The following C3 variants were observed in gnomAD, a reference collection of about 807,000 sequenced individuals.
C3 encodes complement C3.
C3 carries 97 observed loss-of-function variants against 207.9 expected under a neutral mutation model. The observed-to-expected ratio is 0.47, with a 90% CI of 0.40 to 0.55. The LOEUF (loss-of-function observed/expected upper bound fraction) is 0.55, where lower values mean the gene tolerates loss of function less well. Ranked by LOEUF, C3 falls within the 20% of genes least tolerant of loss-of-function variation. The probability of loss-of-function intolerance (pLI) is 0.00; values close to 1 mark genes in which losing one functional copy is unlikely to be tolerated. For missense variants in C3, 1,684 were observed against 2,171.7 expected (o/e 0.78, Z 4.46); for synonymous variants, 848 against 857.6 (o/e 0.99, Z 0.20).
rs369993135 is a variant in C3, at chr19:6,681,935, C to G, written c.4350+6G>C. 12 of 1,609,006 alleles carry G rather than the reference C, an allele frequency of 7.5e-6. No homozygotes were observed. The highest frequency in any genetic ancestry group is 3.4e-4 in the Middle Eastern group (2 of 5,892). Reference sequence around the variant, plus strand: ...AGCCTCCCAGGGGAGGATGATGCAGCCTTACCTTGTCCAGGTAGATGATGA... The same window carrying G: ...AGCCTCCCAGGGGAGGATGATGCAGGCTTACCTTGTCCAGGTAGATGATGA... On this transcript the variant is annotated splice_donor_region_variant and intron_variant, in intron 35 of 40. Transcript: ENST00000245907.
At chr19:6,713,774 A>T (rs11569573) in intron 7 of C3, 31,054 of 85,762 alleles carry the variant, frequency 0.36, 2,615 homozygotes, top group South Asian at 0.4. Context: ...ACCTGACTCC[A>T]CCCCCCAGCC....
In C3 at chr19:6,690,668, C is replaced by T. The variant is rs760685575; in HGVS notation, c.3450G>A (p.Ser1150=). Residue 1150 remains serine (S), a synonymous_variant, in exon 27 of 41, where the codon TCG becomes TCA. Coordinates refer to ENST00000245907, the MANE Select transcript of C3 (RefSeq NM_000064.4). ...DMALTAFVLI[S]LQEAKDICEE... ...CGCAAATATCTTTAGCCTCCTGCAGCGAGATGAGAACAAAGGCCGTGAGGG... is the reference window on the plus strand; with the variant it reads ...CGCAAATATCTTTAGCCTCCTGCAGTGAGATGAGAACAAAGGCCGTGAGGG... The T allele has an allele frequency of 3.1e-6, 5 of 1,614,184 alleles. No homozygotes were observed. In the South Asian group the frequency reaches 3.3e-5, roughly 11 times the overall value.
intron 17 of C3, among the ~76,000 whole-genome samples, chr19:6,706,644 A>C: frequency 8.6e-6 from 1 of 116,642 alleles, no homozygotes; most frequent in South Asian, 3.3e-4. Context: ...CCCCTCAGAC[A>C]GAGGCCTCCT....
In C3 at chr19:6,702,491, C is replaced by G. The variant is rs1482581631; in HGVS notation, c.2334G>C (p.Leu778Phe). 7 of 1,613,634 alleles carry G rather than the reference C, an allele frequency of 4.3e-6. No individual in the cohort carries two copies. Among genetic ancestry groups the G allele is most frequent in the Non-Finnish European group, 5.9e-6 (7 of 1,179,622 alleles). ...PESWLWNVEDLKEPPKNGIST... is the reference protein window; with the variant it reads ...PESWLWNVEDFKEPPKNGIST... Reference sequence around the variant, plus strand: ...CTTACCCATTTTTCGGTGGCTCTTTCAAGTCCTCAACGTTCCACAGCCAGC... The same window carrying G: ...CTTACCCATTTTTCGGTGGCTCTTTGAAGTCCTCAACGTTCCACAGCCAGC... Residue 778 changes from leucine to phenylalanine, a missense_variant, in exon 18 of 41, where the codon TTG becomes TTC. Coordinates refer to ENST00000245907, the MANE Select transcript of C3 (RefSeq NM_000064.4).
At chr19:6,688,751 T>C (rs1474242682) in intron 27 of C3, among the ~76,000 whole-genome samples, 2 of 152,204 alleles carry the variant, frequency 1.3e-5, no homozygotes, top group East Asian at 1.9e-4. Flanking sequence ...AAATCTCTTT[T>C]ATTCCTGCCC....
Position 6,689,374 on chromosome 19 carries a change from T to TCTCTCTC in C3, c.3489+1248_3489+1254dup, listed in dbSNP as rs1918114100. On this transcript the variant is annotated intron_variant, in intron 27 of 40. Transcript: ENST00000245907. ...CTCCCTCCCTCCCTCTCTCTCTCTC[T>TCTCTCTC]CTCTCTCTCTCTCTGCCTTGGTCCC... Among the ~76,000 whole-genome samples the TCTCTCTC allele has an allele frequency of 1.7e-5, 2 of 116,384 alleles. 1 individual carries two copies. Among genetic ancestry groups the TCTCTCTC allele is most frequent in the African/African-American group, 8.2e-5 (2 of 24,488 alleles). 76.4% of individuals were successfully genotyped at this position (116,384 alleles called of 152,430 possible).
chr19:6,712,383 G>C lies in C3; in HGVS notation c.1143C>G (p.Gly381=). Residue 381 remains glycine, a synonymous_variant, in exon 11 of 41, where the codon GGC becomes GGG. Transcript: ENST00000245907. ...CCACGGGGACTCGGTAGGCTGGAGA[G>C]CCATCAGGGTTCGTCACGAACACCT... ...DLMVFVTNPD[G]SPAYRVPVAV... The C allele has an allele frequency of 6.2e-7, 1 of 1,614,172 alleles. No homozygotes were observed. The highest frequency in any genetic ancestry group is 8.5e-7 in the Non-Finnish European group (1 of 1,180,014).
intron 35 of C3, among the ~76,000 whole-genome samples, chr19:6,681,340 T>A (rs1318399023): frequency 9.5e-5 from 9 of 95,106 alleles, no homozygotes; most frequent in African/African-American, 1.6e-4. Flanking sequence ...AGGCTGCAGT[T>A]AAAAAAAAAA....
chr19:6,705,354 C>CTTTTTTTTTTTTT (rs1395898355), intron 17 of C3, among the ~76,000 whole-genome samples: 3 of 78,622 alleles, frequency 3.8e-5, no homozygotes, highest in African/African-American at 1.5e-4. Flanking sequence ...TTTTTTTTTT[C>CTTTTTTTTTTTTT]TTTTTTGAGA....
At chr19:6,689,135 T>A (rs1918087880) in intron 27 of C3, among the ~76,000 whole-genome samples, 1 of 151,972 alleles carries the variant, frequency 6.6e-6, no homozygotes, top group Non-Finnish European at 1.5e-5. Context: ...TTTTGTATAA[T>A]CTGGGTCACA....
chr19:6,713,052 G>C, intron 9 of C3, 137 bp downstream of exon 9: 1 of 1,038,562 alleles, frequency 9.6e-7, no homozygotes, highest in Non-Finnish European at 1.5e-6. Flanking sequence ...TCTCAGACTG[G>C]GCCTACCCCA....
chr19:6,714,342 C>G lies in C3; in HGVS notation c.599+10G>C, dbSNP rs1287672494. The G allele has an allele frequency of 6.2e-7, 1 of 1,612,854 alleles. No individual in the cohort carries two copies. The highest frequency in any genetic ancestry group is 1.3e-5 in the African/African-American group (1 of 74,912). ...GAGCCCTGAGCCCCCTCCTCAAGAA[C>G]CTGACATACTTGACGAGTTCCGGAA... is the stretch of plus-strand genomic sequence containing the variant. On this transcript the variant is annotated intron_variant, in intron 5 of 40. Transcript: ENST00000245907.
At chr19:6,691,055 C>CTTTTTTT (rs112828808) in intron 26 of C3, among the ~76,000 whole-genome samples, 6 of 131,764 alleles carry the variant, frequency 4.6e-5, no homozygotes, top group Admixed American at 1.6e-4. Context: ...GAGATATACA[C>CTTTTTTT]TTTTTTTTTT....
At position 6,694,543 on chromosome 19, in the gene C3, G is replaced by A; in HGVS notation, c.3042C>T (p.Asn1014=). 6.2e-7 allele frequency: 1 copy of A among 1,614,146 alleles called. No individual in the cohort carries two copies. The highest frequency in any genetic ancestry group is 8.5e-7 in the Non-Finnish European group (1 of 1,179,998). ...IVTPSGCGEQ[N]MIGMTPTVIA... ...TGACCGTGGGCGTCATGCCGATCAT[G>A]TTCTGTTCCCCGCAGCCCGAGGGGG... Residue 1014 remains asparagine (N), a synonymous_variant, in exon 24 of 41, where the codon AAC becomes AAT. Coordinates refer to ENST00000245907, the MANE Select transcript of C3 (RefSeq NM_000064.4).
At chr19:6,686,958 A>G in intron 27 of C3, 56 bp from the exon 28 acceptor site, 2 of 1,566,992 alleles carry the variant, frequency 1.3e-6, no homozygotes, top group Non-Finnish European at 1.8e-6. Context: ...TCACGTTAGT[A>G]AGGATCATTC....
At chr19:6,684,227 G>A in intron 33 of C3, 161 bp downstream of exon 33, 2 of 750,412 alleles carry the variant, frequency 2.7e-6, no homozygotes, top group Non-Finnish European at 4.9e-6. Flanking sequence ...AACATGCAAA[G>A]CAAGGACTGT....
At chr19:6,701,852 A>G (rs1967681201) in intron 19 of C3, among the ~76,000 whole-genome samples, 1 of 152,078 alleles carries the variant, frequency 6.6e-6, no homozygotes, top group South Asian at 2.1e-4. Context: ...CATTGCTACT[A>G]CTATTTTTCC....
chr19:6,700,493 G>T lies in C3; in HGVS notation c.2440+1634C>A, dbSNP rs556549824. Among the ~76,000 whole-genome samples, 26 of 28,422 alleles carry T rather than the reference G, an allele frequency of 9.1e-4. 11 individuals are homozygous for T. The highest frequency in any genetic ancestry group is 1.5e-3 in the African/African-American group (5 of 3,286). 18.6% of individuals were successfully genotyped at this position (28,422 alleles called of 152,430 possible). Reference sequence around the variant, plus strand: ...ATGTAATATATAATATATGTAATATGATATATTATATATGTAATATATAAT... The same window carrying T: ...ATGTAATATATAATATATGTAATATTATATATTATATATGTAATATATAAT... On this transcript the variant is annotated intron_variant, in intron 19 of 40. Coordinates refer to ENST00000245907, the MANE Select transcript of C3 (RefSeq NM_000064.4).
chr19:6,715,212 A>T (rs1254884505), intron 4 of C3, among the ~76,000 whole-genome samples: 4 of 152,184 alleles, frequency 2.6e-5, no homozygotes, highest in African/African-American at 9.7e-5. Context: ...CAATGGCTCA[A>T]GCCTGTAATC....
Sources: allele counts gnomAD v4.1 joint callset (sites outside exome capture counted in the v4.1 genomes callset), GRCh38; gene constraint gnomAD v4.1.1; transcripts MANE v1.5; gene names NCBI Gene and HGNC (gene_info 2026-07-23, HGNC 2026-07-21).